The following SAP130 variants were observed in gnomAD, a reference collection of about 807,000 sequenced individuals.
The protein encoded by SAP130 is Sin3A associated protein 130, also known as histone deacetylase complex subunit SAP130.
A neutral mutation model predicts 103.2 loss-of-function variants in SAP130; 16 were observed. The observed-to-expected ratio is 0.16, with a 90% CI of 0.10 to 0.24. SAP130 has a LOEUF of 0.24. Ranked by LOEUF, SAP130 falls within the 10% of genes least tolerant of loss-of-function variation. SAP130 has a pLI of 1.00. For synonymous variants in SAP130, 477 were observed against 497.0 expected, an observed-to-expected ratio of 0.96 and a Z score of 0.53; for missense variants, 990 against 1,359.7, an observed-to-expected ratio of 0.73 and a Z score of 4.28.
Position 127,942,283 on chromosome 2 carries a change from T to C in SAP130, c.3016-119A>G. The C allele has an allele frequency of 3.4e-6, 4 of 1,173,906 alleles. No individual in the cohort carries two copies. In the South Asian group the frequency reaches 5.8e-5, roughly 17 times the overall value. 72.7% of individuals were successfully genotyped at this position (1,173,906 alleles called of 1,614,324 possible). On this transcript the variant is annotated intron_variant, in intron 20 of 20. Coordinates refer to ENST00000643581, the MANE Select transcript of SAP130 (RefSeq NM_001330301.2). This position sits in a 1 kb window ranked among gnomAD's most constrained non-coding sequence, Gnocchi z 4.8. Reference sequence around the variant, plus strand: ...GCTTCCACAACAGAGAAAATGTCTTTTTGTTTCTCAGGAGTGCAGGCTGAA... The same window carrying C: ...GCTTCCACAACAGAGAAAATGTCTTCTTGTTTCTCAGGAGTGCAGGCTGAA...
rs748485673 is a variant in SAP130 at position 127,955,335 on chromosome 2, G to C, written c.2073C>G (p.Pro691=). 4.5e-6 allele frequency: 7 copies of C among 1,557,986 alleles called. No individual in the cohort carries two copies. The highest frequency in any genetic ancestry group is 1.4e-5 in the African/African-American group (1 of 73,304). Reference sequence around the variant, plus strand: ...CCATAGACACGTGGATTTCAGACTTGGGTTTGGCACTAAAACACAAAAGAA... The same window carrying C: ...CCATAGACACGTGGATTTCAGACTTCGGTTTGGCACTAAAACACAAAAGAA... ...SGSPRPAGAK[P]KSEIHVSMAT... is the part of the protein sequence containing the mutation. The change falls in exon 16 of 21, where the codon CCC becomes CCG. Residue 691 remains proline, a synonymous_variant. Transcript: ENST00000643581. This position sits in a 1 kb window ranked among gnomAD's most constrained non-coding sequence, Gnocchi z 4.9.
intron 1 of SAP130, among the ~76,000 whole-genome samples, chr2:128,027,545 G>C (rs1003138801): frequency 6.6e-6 from 1 of 151,720 alleles, no homozygotes; most frequent in Non-Finnish European, 1.5e-5. Context: ...CTCAGCCAGG[G>C]TCTGAAAGCG....
chr2:127,994,369 C>T (rs1683031071), intron 11 of SAP130, among the ~76,000 whole-genome samples: 1 of 152,054 alleles, frequency 6.6e-6, no homozygotes, highest in South Asian at 2.1e-4. Context: ...GGCAGGCAGG[C>T]TATTTGAGGC....
chr2:128,018,313 C>CAAAAA (rs200188563), intron 2 of SAP130, among the ~76,000 whole-genome samples: 105 of 50,326 alleles, frequency 2.1e-3, no homozygotes, highest in Middle Eastern at 0.011. Context: ...ACTAAAAATA[C>CAAAAA]AAAAAAAAAA....
intron 15 of SAP130, among the ~76,000 whole-genome samples, chr2:127,964,572 A>G (rs1256025964): frequency 6.6e-6 from 1 of 151,948 alleles, no homozygotes; most frequent in East Asian, 1.9e-4. Context: ...AGTGGGCTGC[A>G]ATGAAAGCAT....
In SAP130 at chr2:127,978,318, C is replaced by T. The variant is rs187157825; in HGVS notation, c.1959-229G>A. ...AAAAAGAGCAGGTCCCTTCCCCATT[C>T]CTGCTCACTTCCTGCCAGGCTCCCT... On this transcript the variant is annotated intron_variant, in intron 14 of 20. Coordinates refer to ENST00000643581, the MANE Select transcript of SAP130 (RefSeq NM_001330301.2). 5.3e-5 allele frequency among the ~76,000 whole-genome samples: 8 copies of T among 152,252 alleles called. No individual in the cohort carries two copies. In the East Asian group the frequency reaches 1.5e-3, roughly 29 times the overall value.
chr2:127,941,967 C>T lies in SAP130; in HGVS notation c.*39G>A, dbSNP rs1164287308. The T allele has an allele frequency of 2.4e-5, 12 of 508,704 alleles. No individual in the cohort carries two copies. Among genetic ancestry groups the T allele is most frequent in the Non-Finnish European group, 3.7e-5 (12 of 322,934 alleles). The allele number at this position is 508,704 out of a possible 1,614,324, so 31.5% of individuals were successfully genotyped here. A position where few individuals can be genotyped will look rare whatever the true frequency, so the allele number is the denominator to read the frequency against. Reference sequence around the variant, plus strand: ...CCCTCCCCCCACCCCCACCATCATTCTTCATAAATTTGCTTCCAATCTCCT... The same window carrying T: ...CCCTCCCCCCACCCCCACCATCATTTTTCATAAATTTGCTTCCAATCTCCT... On this transcript the variant is annotated 3_prime_UTR_variant, in exon 21 of 21. Transcript: ENST00000643581.
chr2:128,004,399 AT>A (rs1683814567), intron 7 of SAP130, among the ~76,000 whole-genome samples: 2 of 108,018 alleles, frequency 1.9e-5, no homozygotes, highest in African/African-American at 7.1e-5. Flanking sequence ...AAAGCGATAG[AT>A]TCTCACTATG....
rs146120095 is a variant in SAP130, at chr2:127,966,064, T to C, written c.2064-10720A>G. Among the ~76,000 whole-genome samples, 51 of 152,206 alleles carry C rather than the reference T, an allele frequency of 3.4e-4. 1 individual carries two copies. In the South Asian group the frequency reaches 6.4e-3, roughly 19 times the overall value. On this transcript the variant is annotated intron_variant, in intron 15 of 20. Transcript: ENST00000643581. Reference sequence around the variant, plus strand: ...TAACTGTTAAAACTTCCTTGTAGGCTAGGTGTGGTGGCTCACGTCTGTAAC... The same window carrying C: ...TAACTGTTAAAACTTCCTTGTAGGCCAGGTGTGGTGGCTCACGTCTGTAAC...
chr2:127,992,900 G>T (rs1451345886), intron 12 of SAP130, among the ~76,000 whole-genome samples: 1 of 152,082 alleles, frequency 6.6e-6, no homozygotes, highest in Non-Finnish European at 1.5e-5. Flanking sequence ...CCCTATAAAA[G>T]TGCAGCTCTA....
At chr2:127,968,109 A>AT (rs199946748) in intron 15 of SAP130, among the ~76,000 whole-genome samples, 12,724 of 139,246 alleles carry the variant, frequency 0.091, 712 homozygotes, top group South Asian at 0.24. Flanking sequence ...ATAGTAAAGC[A>AT]TTTTTTTTTT....
At chr2:127,975,765 A>T (rs1188603785) in intron 15 of SAP130, among the ~76,000 whole-genome samples, 2 of 152,214 alleles carry the variant, frequency 1.3e-5, no homozygotes, top group Non-Finnish European at 2.9e-5. Flanking sequence ...GTGTACCCAG[A>T]GTCCGAGGAG....
intron 7 of SAP130, among the ~76,000 whole-genome samples, chr2:128,002,749 CA>C (rs559001910): frequency 6.6e-6 from 1 of 151,482 alleles, no homozygotes; most frequent in South Asian, 2.1e-4. Flanking sequence ...AAAAAACAAA[CA>C]AAAAAAACAG....
chr2:128,000,130 G>C lies in SAP130; in HGVS notation c.1034C>G (p.Thr345Ser). ...HTMAQKTIFS[T>S]GTPVAAATVA... is the part of the protein sequence containing the mutation. Reference sequence around the variant, plus strand: ...TGTGGCTGCAGCCACTGGCGTGCCAGTACTGAAGATTGTTTTCTGTGAGGG... The same window carrying C: ...TGTGGCTGCAGCCACTGGCGTGCCACTACTGAAGATTGTTTTCTGTGAGGG... The change falls in exon 9 of 21, where the codon ACT becomes AGT. Residue 345 changes from threonine to serine, a missense_variant. Thr to Ser is a moderately conservative substitution (Grantham distance 58, BLOSUM62 1). Around this residue, in one of 6 missense-constraint regions of SAP130, gnomAD observed 336 missense variants for 520.1 expected, o/e 0.65. Transcript: ENST00000643581. 1 of 1,614,196 alleles carries C rather than the reference G, an allele frequency of 6.2e-7. No individual in the cohort carries two copies. Among genetic ancestry groups the C allele is most frequent in the Non-Finnish European group, 8.5e-7 (1 of 1,180,026 alleles).
intron 15 of SAP130, among the ~76,000 whole-genome samples, chr2:127,957,911 A>T (rs937729084): frequency 6.6e-6 from 1 of 152,136 alleles, no homozygotes; most frequent in Non-Finnish European, 1.5e-5. Flanking sequence ...CAAAAAAAGG[A>T]GGAGATGGAA....
chr2:127,942,311 A>C lies in SAP130; in HGVS notation c.3015+113T>G, dbSNP rs1678764835. 9.2e-7 allele frequency: 1 copy of C among 1,083,110 alleles called. No individual in the cohort carries two copies. 67.1% of individuals were successfully genotyped at this position (1,083,110 alleles called of 1,614,324 possible). On this transcript the variant is annotated intron_variant, in intron 20 of 20. Transcript: ENST00000643581. This position sits in a 1 kb window ranked among gnomAD's most constrained non-coding sequence, Gnocchi z 4.8. The stretch of plus-strand genomic sequence containing the variant: ...GTTTCTCAGGAGTGCAGGCTGAAGC[A>C]CGTATGTTTTTACTGAAGATATGAG...
At chr2:127,972,967 G>A (rs575733933) in intron 15 of SAP130, among the ~76,000 whole-genome samples, 5 of 152,038 alleles carry the variant, frequency 3.3e-5, no homozygotes, top group Admixed American at 6.6e-5. Flanking sequence ...ACAAAAACCC[G>A]AAGTGTTCAT....
At chr2:128,010,958 A>C (rs1458966839) in intron 6 of SAP130, among the ~76,000 whole-genome samples, 1 of 151,910 alleles carries the variant, frequency 6.6e-6, no homozygotes, top group Non-Finnish European at 1.5e-5. Flanking sequence ...TTTGAAAAAA[A>C]AAAAAAAATC....
chr2:127,993,073 A>G (rs1351257641), intron 12 of SAP130, 114 bp downstream of exon 12: 3 of 1,303,802 alleles, frequency 2.3e-6, no homozygotes, highest in Non-Finnish European at 3.3e-6. Flanking sequence ...TCTGAATCTG[A>G]AAACAGAAGC....
Sources: gnomAD v4.1 joint callset for allele counts (sites outside exome capture counted in the v4.1 genomes callset) on GRCh38, gnomAD v4.1.1 for gene constraint, gnomAD v4.1.1 regional missense constraint, Gnocchi (gnomAD v3.1) non-coding constraint, MANE v1.5 for transcripts, NCBI Gene and HGNC (gene_info 2026-07-23, HGNC 2026-07-21) for gene names.